ELOVL7: variants seen among roughly 807,000 people sequenced by gnomAD.
The protein encoded by ELOVL7 is very long chain fatty acid elongase 7.
ELOVL7 carries 27 observed loss-of-function variants against 35.7 expected under a neutral mutation model. The ratio of observed to expected loss-of-function variants is 0.76; its 90% confidence interval spans 0.56 to 1.04. The LOEUF (loss-of-function observed/expected upper bound fraction) is 1.04. Among genes scored for constraint, ELOVL7 ranks in the 50% least tolerant of loss-of-function variants. The pLI is 0.00. For synonymous variants in ELOVL7, 113 were observed against 114.6 expected, an observed-to-expected ratio of 0.99 and a Z score of 0.09; for missense variants, 327 against 340.8, an observed-to-expected ratio of 0.96 and a Z score of 0.32.
intron 1 of ELOVL7, among the ~76,000 whole-genome samples, chr5:60,837,791 A>G (rs1299972310): frequency 6.6e-6 from 1 of 152,030 alleles, no homozygotes; most frequent in Non-Finnish European, 1.5e-5. Context: ...AAAAATACAA[A>G]ATTAGCCAGG....
intron 3 of ELOVL7, among the ~76,000 whole-genome samples, chr5:60,775,343 T>C (rs1742839484): frequency 1.3e-5 from 2 of 152,102 alleles, no homozygotes; most frequent in African/African-American, 4.8e-5. Context: ...AAAATACAAA[T>C]GGAAAAACAT....
chr5:60,759,597 G>A (rs945703575), intron 7 of ELOVL7, among the ~76,000 whole-genome samples: 15 of 134,744 alleles, frequency 1.1e-4, no homozygotes, highest in Non-Finnish European at 4.6e-5. Flanking sequence ...TAATAGAGGC[G>A]TGCCTATTTT....
chr5:60,754,798 C>T lies in ELOVL7; in HGVS notation c.672G>A (p.Gln224=), dbSNP rs1454077321. The T allele has an allele frequency of 3.1e-6, 5 of 1,614,094 alleles. No homozygotes were observed. The East Asian group carries it at 1.1e-4, about 36-fold the overall frequency. ...QFVIVAIHIS[Q]FFFMEDCKYQ... Reference sequence around the variant, plus strand: ...ACTTGCAATCCTCCATGAAAAAGAACTGGCTTATGTGGATGGCGACAATAA... The same window carrying T: ...ACTTGCAATCCTCCATGAAAAAGAATTGGCTTATGTGGATGGCGACAATAA... Residue 224 remains glutamine, a synonymous_variant, in exon 9 of 9, where the codon CAG becomes CAA. Coordinates refer to ENST00000508821, the MANE Select transcript of ELOVL7 (RefSeq NM_024930.3).
At chr5:60,805,189 T>C (rs904769158) in intron 1 of ELOVL7, among the ~76,000 whole-genome samples, 1 of 152,200 alleles carries the variant, frequency 6.6e-6, no homozygotes, top group Admixed American at 6.5e-5. Context: ...TAGAGAAAAT[T>C]CATTCGCTTA....
At chr5:60,774,909 G>T (rs1742814620) in intron 3 of ELOVL7, among the ~76,000 whole-genome samples, 1 of 151,974 alleles carries the variant, frequency 6.6e-6, no homozygotes, top group African/African-American at 2.4e-5. Flanking sequence ...GGGATTACAG[G>T]TGCCCGCCAC....
At chr5:60,758,799 T>C (rs528718723) in intron 7 of ELOVL7, among the ~76,000 whole-genome samples, 48 of 152,362 alleles carry the variant, frequency 3.2e-4, no homozygotes, top group African/African-American at 1.1e-3. Flanking sequence ...GTGTTCTTTA[T>C]GTATAGCCTG....
intron 1 of ELOVL7, among the ~76,000 whole-genome samples, chr5:60,830,371 G>GTAACAAA (rs1390471629): frequency 6.6e-6 from 1 of 152,172 alleles, no homozygotes; most frequent in East Asian, 1.9e-4. Flanking sequence ...AATAGTAACT[G>GTAACAAA]GGGCAGAGGG....
intron 1 of ELOVL7, among the ~76,000 whole-genome samples, chr5:60,800,509 CAT>C (rs1744543599): frequency 6.6e-6 from 1 of 152,298 alleles, no homozygotes; most frequent in African/African-American, 2.4e-5. Context: ...AAAAAGCTAA[CAT>C]AATACTCAGC....
At chr5:60,756,936 T>C (rs993564340) in intron 8 of ELOVL7, among the ~76,000 whole-genome samples, 22 of 152,236 alleles carry the variant, frequency 1.4e-4, no homozygotes, top group Middle Eastern at 3.4e-3. Context: ...AATTAATGCT[T>C]AGAATGCATT....
At chr5:60,794,534 A>G (rs1191056256) in intron 2 of ELOVL7, among the ~76,000 whole-genome samples, 1 of 151,988 alleles carries the variant, frequency 6.6e-6, no homozygotes, top group Non-Finnish European at 1.5e-5. Flanking sequence ...ACCAGACAAG[A>G]GCCCAGAAAT....
chr5:60,825,267 T>C (rs944117679), intron 1 of ELOVL7, among the ~76,000 whole-genome samples: 1 of 152,130 alleles, frequency 6.6e-6, no homozygotes, highest in South Asian at 2.1e-4. Context: ...CCTCAAGGCA[T>C]TGAAAATCAC....
chr5:60,760,153 C>T (rs1214490871), intron 7 of ELOVL7, among the ~76,000 whole-genome samples: 4 of 152,152 alleles, frequency 2.6e-5, no homozygotes, highest in African/African-American at 9.7e-5. Flanking sequence ...GGTACATACC[C>T]AGTAATGGGA....
At chr5:60,788,220 T>C (rs930911270) in intron 2 of ELOVL7, among the ~76,000 whole-genome samples, 5 of 152,174 alleles carry the variant, frequency 3.3e-5, no homozygotes, top group African/African-American at 7.2e-5. Flanking sequence ...CTAAGATGTA[T>C]ATTTTACCGT....
chr5:60,754,565 A>C lies in ELOVL7; in HGVS notation c.*59T>G. ...TACAAAATGCACTGCATAGGTAAATATCTCTTGATTGTCAAGGAAGACAAT... is the reference window on the plus strand; with the variant it reads ...TACAAAATGCACTGCATAGGTAAATCTCTCTTGATTGTCAAGGAAGACAAT... On this transcript the variant is annotated 3_prime_UTR_variant, in exon 9 of 9. Coordinates refer to ENST00000508821, the MANE Select transcript of ELOVL7 (RefSeq NM_024930.3). 1 of 1,471,636 alleles carries C rather than the reference A, an allele frequency of 6.8e-7. No individual in the cohort carries two copies. The highest frequency in any genetic ancestry group is 9.5e-7 in the Non-Finnish European group (1 of 1,054,302). 91.2% of individuals were successfully genotyped at this position (1,471,636 alleles called of 1,614,324 possible). A position where few individuals can be genotyped will look rare whatever the true frequency, so the allele number is the denominator to read the frequency against.
At chr5:60,768,287 C>T (rs1434771967) in intron 4 of ELOVL7, among the ~76,000 whole-genome samples, 1 of 152,174 alleles carries the variant, frequency 6.6e-6, no homozygotes, top group Non-Finnish European at 1.5e-5. Context: ...AAAGGGAACA[C>T]TTGGATCTGA....
chr5:60,752,475 T>C lies in ELOVL7; in HGVS notation c.*2149A>G, dbSNP rs1372342599. On this transcript the variant is annotated 3_prime_UTR_variant, in exon 9 of 9. Transcript: ENST00000508821. ...CATTTTGGTCTCTATACTACTTGGG[T>C]TCTTTGGAAATGGTGTGATTTCTAA... 1 of 152,554 alleles carries C rather than the reference T, an allele frequency of 6.6e-6. No individual in the cohort carries two copies. Among genetic ancestry groups the C allele is most frequent in the East Asian group, 1.9e-4 (1 of 5,188 alleles). The allele number at this position is 152,554 out of a possible 1,614,324, so 9.5% of individuals were successfully genotyped here. A position where few individuals can be genotyped will look rare whatever the true frequency, so the allele number is the denominator to read the frequency against.
intron 3 of ELOVL7, among the ~76,000 whole-genome samples, chr5:60,776,496 A>G (rs1742913009): frequency 6.6e-6 from 1 of 152,250 alleles, no homozygotes; most frequent in Non-Finnish European, 1.5e-5. Flanking sequence ...TGGATTGGAT[A>G]AAGAAAATGT....
chr5:60,754,569 C>A lies in ELOVL7; in HGVS notation c.*55G>T, dbSNP rs1741415336. The A allele has an allele frequency of 2.0e-6, 3 of 1,495,340 alleles. No homozygotes were observed. In the African/African-American group the frequency reaches 4.1e-5, roughly 21 times the overall value. 92.6% of individuals were successfully genotyped at this position (1,495,340 alleles called of 1,614,324 possible). ...AAATGCACTGCATAGGTAAATATCT[C>A]TTGATTGTCAAGGAAGACAATGTAT... On this transcript the variant is annotated 3_prime_UTR_variant, in exon 9 of 9. Transcript: ENST00000508821.
chr5:60,799,617 A>G (rs1223781467), intron 1 of ELOVL7, among the ~76,000 whole-genome samples: 1 of 152,252 alleles, frequency 6.6e-6, no homozygotes, highest in Non-Finnish European at 1.5e-5. Flanking sequence ...GGATTAAATC[A>G]TGAAGCGGGA....
Sources: gnomAD v4.1 joint callset for allele counts (sites outside exome capture counted in the v4.1 genomes callset) on GRCh38, gnomAD v4.1.1 for gene constraint, MANE v1.5 for transcripts, NCBI Gene and HGNC (gene_info 2026-07-23, HGNC 2026-07-21) for gene names.